Variants in NCAM1 observed in about 807,000 individuals in gnomAD.
NCAM1 encodes the protein antigen recognized by monoclonal antibody 5.1H11.
In NCAM1, 14 loss-of-function variants were observed where a neutral mutation model predicts 109.8. The observed-to-expected ratio is 0.13, with a 90% CI of 0.08 to 0.20. The LOEUF is 0.20. Among genes scored for constraint, NCAM1 ranks in the 10% least tolerant of loss-of-function variants. The probability of loss-of-function intolerance (pLI) is 1.00; values close to 1 mark genes in which losing one functional copy is unlikely to be tolerated. For synonymous variants in NCAM1, 418 were observed against 442.9 expected (o/e 0.94, Z 0.70); for missense variants, 774 against 1,109.9 (o/e 0.70, Z 4.30).
intron 1 of NCAM1, among the ~76,000 whole-genome samples, chr11:113,173,635 G>A (rs1352354339): frequency 5.7e-5 from 7 of 123,310 alleles, no homozygotes; most frequent in Non-Finnish European, 1.3e-4. Context: ...TATTTTAGAG[G>A]GTGCAGGGTA....
chr11:113,273,065 G>C lies in NCAM1; in HGVS notation c.2456+1189G>C, dbSNP rs1555125815. The stretch of plus-strand genomic sequence containing the variant: ...GCCCCACCAGTGAGACCACCACCCT[G>C]ACCTCCAGTATTGCCCCGCCGGCCA... On this transcript the variant is annotated intron_variant, in intron 19 of 19. Coordinates refer to ENST00000316851, the MANE Select transcript of NCAM1 (RefSeq NM_181351.5). This position sits in a 1 kb window ranked among gnomAD's most constrained non-coding sequence, Gnocchi z 6.0. 2.2e-6 allele frequency: 1 copy of C among 456,446 alleles called. No individual in the cohort carries two copies. Among genetic ancestry groups the C allele is most frequent in the Non-Finnish European group, 4.4e-6 (1 of 226,904 alleles). 28.3% of individuals were successfully genotyped at this position (456,446 alleles called of 1,614,324 possible).
rs138134352 is a variant in NCAM1, at chr11:113,039,391, A to G, written c.52+77727A>G. ...AAGGATGTAATTGGTCTTCACCAAA[A>G]TTTATTGCTCCCAGGCAGTTTGATA... is the stretch of plus-strand genomic sequence containing the variant. On this transcript the variant is annotated intron_variant, in intron 1 of 19. Coordinates refer to ENST00000316851, the MANE Select transcript of NCAM1 (RefSeq NM_181351.5). Among the ~76,000 whole-genome samples, 457 of 152,340 alleles carry G rather than the reference A, an allele frequency of 3.0e-3. 1 individual carries two copies. The highest frequency in any genetic ancestry group is 0.01 in the African/African-American group (433 of 41,584).
At chr11:113,018,884 A>AT (rs201377235) in intron 1 of NCAM1, among the ~76,000 whole-genome samples, 4 of 151,168 alleles carry the variant, frequency 2.6e-5, no homozygotes, top group Non-Finnish European at 3.0e-5. Flanking sequence ...AAAATTACCT[A>AT]TTTTTTTTTC....
At chr11:113,230,871 T>A (rs1479856955) in intron 9 of NCAM1, among the ~76,000 whole-genome samples, 1 of 152,226 alleles carries the variant, frequency 6.6e-6, no homozygotes, top group Non-Finnish European at 1.5e-5. Context: ...ACCCATTGCC[T>A]AAGGACTATG....
chr11:113,233,374 GT>G lies in NCAM1; in HGVS notation c.1693+58del. 1 of 1,520,604 alleles carries G rather than the reference GT, an allele frequency of 6.6e-7. No homozygotes were observed. Among genetic ancestry groups the G allele is most frequent in the Non-Finnish European group, 8.9e-7 (1 of 1,117,656 alleles). 94.2% of individuals were successfully genotyped at this position (1,520,604 alleles called of 1,614,324 possible). A position where few individuals can be genotyped will look rare whatever the true frequency, so the allele number is the denominator to read the frequency against. ...ATCATGAGTGCCTCAGTACTCAGAT[GT>G]CCCCACCTGCCATCCTGGGCATGTT... On this transcript the variant is annotated intron_variant, in intron 13 of 19. Transcript: ENST00000316851. The surrounding 1 kb of genome is among the most constrained non-coding windows in gnomAD (Gnocchi z 4.5).
At chr11:113,215,494 GA>G (rs45465394) in intron 8 of NCAM1, among the ~76,000 whole-genome samples, 14,151 of 152,152 alleles carry the variant, frequency 0.093, 727 homozygotes, top group East Asian at 0.25. Flanking sequence ...CTGCCTAAAG[GA>G]AATCTCTAGA....
chr11:113,019,788 C>T (rs1013129427), intron 1 of NCAM1, among the ~76,000 whole-genome samples: 22 of 152,132 alleles, frequency 1.4e-4, no homozygotes, highest in African/African-American at 5.3e-4. Context: ...ATTAACTTTC[C>T]CTTCGCTTCC....
intron 1 of NCAM1, among the ~76,000 whole-genome samples, chr11:113,115,012 C>T (rs527342690): frequency 3.3e-5 from 5 of 152,158 alleles, no homozygotes; most frequent in Non-Finnish European, 2.9e-5. Context: ...CAGAAAAGAC[C>T]GTTATAAATC....
At chr11:113,202,235 A>G (rs2136889689) in intron 1 of NCAM1, 144 bp from the exon 2 acceptor site, 1 of 812,096 alleles carries the variant, frequency 1.2e-6, no homozygotes, top group Non-Finnish European at 1.9e-6. Context: ...TCCTCCCTTC[A>G]CTCTTTCTTA....
chr11:112,991,896 G>A (rs1951466361), intron 1 of NCAM1, among the ~76,000 whole-genome samples: 1 of 152,084 alleles, frequency 6.6e-6, no homozygotes, highest in Non-Finnish European at 1.5e-5. Flanking sequence ...TCTGTTTCCT[G>A]CCTCATTTAT....
intron 1 of NCAM1, among the ~76,000 whole-genome samples, chr11:112,975,924 G>A (rs1950994149): frequency 6.6e-6 from 1 of 151,872 alleles, no homozygotes; most frequent in Admixed American, 6.6e-5. Flanking sequence ...AATTGATTTA[G>A]GCATTTAAGG....
intron 1 of NCAM1, among the ~76,000 whole-genome samples, chr11:112,966,182 T>C (rs1035437839): frequency 6.6e-6 from 1 of 152,226 alleles, no homozygotes; most frequent in African/African-American, 2.4e-5. Flanking sequence ...TTACTGATCT[T>C]AAAACTGGGT....
At chr11:113,100,735 G>C (rs1048604032) in intron 1 of NCAM1, among the ~76,000 whole-genome samples, 1 of 152,096 alleles carries the variant, frequency 6.6e-6, no homozygotes, top group Non-Finnish European at 1.5e-5. Flanking sequence ...ATGTGGGGGG[G>C]TGGGTGGCAC....
At chr11:113,076,215 T>C (rs2135615610) in intron 1 of NCAM1, among the ~76,000 whole-genome samples, 1 of 152,270 alleles carries the variant, frequency 6.6e-6, no homozygotes, top group East Asian at 1.9e-4. Context: ...AGGGGAAAGT[T>C]CTTGCTTCAG....
At chr11:112,987,274 G>T (rs1951333197) in intron 1 of NCAM1, among the ~76,000 whole-genome samples, 2 of 152,082 alleles carry the variant, frequency 1.3e-5, no homozygotes, top group African/African-American at 4.8e-5. Context: ...TATGATTTCA[G>T]TCTCCATAAA....
intron 1 of NCAM1, among the ~76,000 whole-genome samples, chr11:112,986,543 G>A (rs1490914275): frequency 8.6e-5 from 13 of 151,880 alleles, no homozygotes. Context: ...CAGGCCCTGG[G>A]CTTTTCTTTG....
At chr11:113,134,047 C>A (rs898353123) in intron 1 of NCAM1, 3 of 151,540 alleles carry the variant, frequency 2.0e-5, no homozygotes, top group Non-Finnish European at 4.4e-5. Flanking sequence ...CCTTCAGTAG[C>A]GTTAAGTATT....
At position 113,237,885 on chromosome 11, in the gene NCAM1, T is replaced by G. The variant is rs1565521167; in HGVS notation, c.1825+2721T>G. On this transcript the variant is annotated intron_variant, in intron 14 of 19. Coordinates refer to ENST00000316851, the MANE Select transcript of NCAM1 (RefSeq NM_181351.5). Reference sequence around the variant, plus strand: ...ATATAGATATATAGATATATATAGATATATAGATATAGATATATAGATATA... The same window carrying G: ...ATATAGATATATAGATATATATAGAGATATAGATATAGATATATAGATATA... Among the ~76,000 whole-genome samples the G allele has an allele frequency of 1.8e-4, 22 of 123,326 alleles. 2 individuals carry two copies. The East Asian group carries it at 3.2e-3, about 18-fold the overall frequency. 80.9% of individuals were successfully genotyped at this position (123,326 alleles called of 152,430 possible). A position where few individuals can be genotyped will look rare whatever the true frequency, so the allele number is the denominator to read the frequency against.
intron 1 of NCAM1, among the ~76,000 whole-genome samples, chr11:112,985,082 A>G (rs782093958): frequency 6.6e-6 from 1 of 151,706 alleles, no homozygotes; most frequent in Non-Finnish European, 1.5e-5. Flanking sequence ...TAAGTATCCA[A>G]TTTCATTCTT....
Sources: allele counts gnomAD v4.1 joint callset (sites outside exome capture counted in the v4.1 genomes callset), GRCh38; gene constraint gnomAD v4.1.1; non-coding constraint Gnocchi (gnomAD v3.1); transcripts MANE v1.5; gene names NCBI Gene and HGNC (gene_info 2026-07-23, HGNC 2026-07-21).